Variants in CCDC92 observed in about 807,000 individuals in gnomAD.
The protein encoded by CCDC92 is coiled-coil domain-containing protein 92.
A neutral mutation model predicts 24.9 loss-of-function variants in CCDC92; 12 were observed. The ratio of observed to expected loss-of-function variants is 0.48; its 90% confidence interval spans 0.31 to 0.78. The LOEUF is 0.78. Ranked by LOEUF, CCDC92 falls within the 30% of genes least tolerant of loss-of-function variation. The pLI, the probability that CCDC92 is intolerant of heterozygous loss-of-function variation, is 0.05. For missense variants in CCDC92, 399 were observed against 439.4 expected (o/e 0.91, Z 0.82); for synonymous variants, 193 against 196.3 (o/e 0.98, Z 0.14).
At chr12:123,948,992 G>C (rs915886501) in intron 1 of CCDC92, among the ~76,000 whole-genome samples, 1 of 152,196 alleles carries the variant, frequency 6.6e-6, no homozygotes, top group Non-Finnish European at 1.5e-5. Context: ...ACCCAGCCGG[G>C]AGATGCACAT....
chr12:123,952,953 G>A (rs536109531), intron 1 of CCDC92, among the ~76,000 whole-genome samples: 6 of 152,226 alleles, frequency 3.9e-5, no homozygotes, highest in African/African-American at 1.2e-4. Context: ...TGCCATATCC[G>A]AGTTGCAACC....
At chr12:123,952,848 C>G (rs1025645757) in intron 1 of CCDC92, among the ~76,000 whole-genome samples, 15 of 152,178 alleles carry the variant, frequency 9.9e-5, no homozygotes, top group Admixed American at 9.8e-4. Flanking sequence ...GTTGGTTAGT[C>G]ATTCTTAAAG....
chr12:123,944,459 C>G, intron 1 of CCDC92, 95 bp from the exon 2 acceptor site: 1 of 692,810 alleles, frequency 1.4e-6, no homozygotes, highest in Non-Finnish European at 2.2e-6. Context: ...CCAGAGAACC[C>G]TCCGTAAAGG....
intron 1 of CCDC92, among the ~76,000 whole-genome samples, chr12:123,958,215 G>A (rs1292489718): frequency 4.6e-5 from 7 of 151,902 alleles, no homozygotes; most frequent in Non-Finnish European, 8.8e-5. Context: ...TACCATGCCC[G>A]GCTAATTTTG....
At chr12:123,961,625 G>A (rs1956273845) in intron 1 of CCDC92, among the ~76,000 whole-genome samples, 1 of 152,164 alleles carries the variant, frequency 6.6e-6, no homozygotes, top group Non-Finnish European at 1.5e-5. Flanking sequence ...AGGCAAAATC[G>A]CCACTTAAGG....
intron 1 of CCDC92, among the ~76,000 whole-genome samples, chr12:123,963,522 G>A (rs1956323195): frequency 6.6e-6 from 1 of 152,200 alleles, no homozygotes; most frequent in African/African-American, 2.4e-5. Context: ...CACTGGATCA[G>A]CATTTCCTTG....
At position 123,937,591 on chromosome 12, in the gene CCDC92, T is replaced by C; in HGVS notation, c.463A>G (p.Ile155Val). The C allele has an allele frequency of 1.2e-6, 2 of 1,613,508 alleles. No individual in the cohort carries two copies. Among genetic ancestry groups the C allele is most frequent in the Non-Finnish European group, 1.7e-6 (2 of 1,180,022 alleles). ...TGCAGCTGGGAGGTCAGGTAGGCGA[T>C]GGTGCTGGCCCGCTGCTCCAGCTCG... Reference protein sequence around the residue: ...SSELEQRASTIAYLTSQLHAA... With the variant: ...SSELEQRASTVAYLTSQLHAA... The change falls in exon 5 of 5, where the codon ATC (isoleucine) becomes GTC (valine). Residue 155 changes from isoleucine (I) to valine (V), a missense_variant. By Grantham distance (29) the Ile-to-Val change is conservative. Coordinates refer to ENST00000238156, the MANE Select transcript of CCDC92 (RefSeq NM_025140.3). The surrounding 1 kb of genome is among the most constrained non-coding windows in gnomAD (Gnocchi z 8.4).
Position 123,936,991 on chromosome 12 carries a change from G to C in CCDC92, c.*67C>G. 3.2e-6 allele frequency: 5 copies of C among 1,562,102 alleles called. No individual in the cohort carries two copies. Among genetic ancestry groups the C allele is most frequent in the Non-Finnish European group, 4.4e-6 (5 of 1,142,292 alleles). On this transcript the variant is annotated 3_prime_UTR_variant, in exon 5 of 5. Transcript: ENST00000238156. Reference sequence around the variant, plus strand: ...GGCATGCATGGGATTAAACAGAAAAGGTGTGGCTGAGATTTCCCAGTGGTG... The same window carrying C: ...GGCATGCATGGGATTAAACAGAAAACGTGTGGCTGAGATTTCCCAGTGGTG...
In CCDC92 at chr12:123,937,790, A is replaced by G; in HGVS notation, c.264T>C (p.Cys88=). Residue 88 remains cysteine, a synonymous_variant, in exon 5 of 5, where the codon TGT becomes TGC. Transcript: ENST00000238156. This position sits in a 1 kb window ranked among gnomAD's most constrained non-coding sequence, Gnocchi z 8.4. ...CTTTCAGTTGGGCTTCCAGCTCTTC[A>G]CATCTTTTCTTTAATTCACTGCTTT... ...TSKSSELKKR[C]EELEAQLKVK... 1 of 1,612,628 alleles carries G rather than the reference A, an allele frequency of 6.2e-7. No homozygotes were observed. The highest frequency in any genetic ancestry group is 8.5e-7 in the Non-Finnish European group (1 of 1,179,862).
rs561762386 is a variant in CCDC92 at position 123,947,780 on chromosome 12, C to T, written c.-59-3416G>A. ...GATAAGAAAATAAAAGCAGGCTGCC[C>T]GAGCCAGCAGTGGCAACCCGCTCGG... On this transcript the variant is annotated intron_variant, in intron 1 of 4. Transcript: ENST00000238156. Among the ~76,000 whole-genome samples the T allele has an allele frequency of 6.6e-5, 10 of 152,182 alleles. No individual in the cohort carries two copies. The South Asian group carries it at 1.7e-3, about 25-fold the overall frequency.
At position 123,936,983 on chromosome 12, in the gene CCDC92, A is replaced by G; in HGVS notation, c.*75T>C. ...AAGTGTTTGGCATGCATGGGATTAA[A>G]CAGAAAAGGTGTGGCTGAGATTTCC... On this transcript the variant is annotated 3_prime_UTR_variant, in exon 5 of 5. Coordinates refer to ENST00000238156, the MANE Select transcript of CCDC92 (RefSeq NM_025140.3). 1.3e-6 allele frequency: 2 copies of G among 1,545,608 alleles called. No individual in the cohort carries two copies. Among genetic ancestry groups the G allele is most frequent in the South Asian group, 2.3e-5 (2 of 86,686 alleles).
chr12:123,953,480 GT>G lies in CCDC92; in HGVS notation c.-59-9117del, dbSNP rs1418951219. Among the ~76,000 whole-genome samples, 107 of 152,274 alleles carry G rather than the reference GT, an allele frequency of 7.0e-4. 1 individual carries two copies. The highest frequency in any genetic ancestry group is 2.3e-3 in the African/African-American group (97 of 41,576). ...TGTGTAGAAGGATATACACCAAAGT[GT>G]TAAAACATTTGTCTCAGCCAGGCAC... On this transcript the variant is annotated intron_variant, in intron 1 of 4. Coordinates refer to ENST00000238156, the MANE Select transcript of CCDC92 (RefSeq NM_025140.3).
chr12:123,954,429 T>C (rs1956102674), intron 1 of CCDC92, among the ~76,000 whole-genome samples: 2 of 152,218 alleles, frequency 1.3e-5, no homozygotes, highest in Non-Finnish European at 2.9e-5. Context: ...ACGTGCAGCC[T>C]AACATTAAAG....
intron 1 of CCDC92, chr12:123,945,052 T>A (rs571515357): frequency 1.3e-5 from 2 of 152,134 alleles, no homozygotes; most frequent in African/African-American, 4.8e-5. Flanking sequence ...GCTGTGAGAA[T>A]GGTCACTACA....
At chr12:123,944,239 C>T (rs1246250791) in intron 2 of CCDC92, 33 bp downstream of exon 2, 2 of 1,380,362 alleles carry the variant, frequency 1.4e-6, no homozygotes, top group African/African-American at 1.4e-5. Flanking sequence ...CAGCTTCCAG[C>T]ATCTGATGCT....
intron 1 of CCDC92, among the ~76,000 whole-genome samples, 151 bp downstream of exon 1, chr12:123,972,378 T>TC (rs1235101271): frequency 6.6e-6 from 1 of 151,816 alleles, no homozygotes; most frequent in Non-Finnish European, 1.5e-5. Context: ...GAGGACCCCG[T>TC]CCCCCGTCTC....
chr12:123,949,997 GC>G (rs1199765019), intron 1 of CCDC92, among the ~76,000 whole-genome samples: 7 of 152,316 alleles, frequency 4.6e-5, no homozygotes, highest in Admixed American at 3.3e-4. Context: ...CACCTGACTT[GC>G]CCGAGCACAG....
intron 1 of CCDC92, among the ~76,000 whole-genome samples, chr12:123,949,556 C>G (rs536084701): frequency 6.6e-6 from 1 of 152,202 alleles, no homozygotes; most frequent in Non-Finnish European, 1.5e-5. Flanking sequence ...CCCCACAGAA[C>G]GCCAGCAGAA....
At chr12:123,971,120 G>A (rs1956518819) in intron 1 of CCDC92, among the ~76,000 whole-genome samples, 2 of 152,120 alleles carry the variant, frequency 1.3e-5, no homozygotes, top group Non-Finnish European at 2.9e-5. Context: ...ACAAATAATT[G>A]TCCTGTACTT....
Sources: allele counts gnomAD v4.1 joint callset (sites outside exome capture counted in the v4.1 genomes callset), GRCh38; gene constraint gnomAD v4.1.1; non-coding constraint Gnocchi (gnomAD v3.1); transcripts MANE v1.5; gene names NCBI Gene and HGNC (gene_info 2026-07-23, HGNC 2026-07-21).